IQANK1: variants seen among roughly 807,000 people sequenced by gnomAD.
The protein encoded by IQANK1 is IQ motif and ankyrin repeat containing 1.
In IQANK1, 30 loss-of-function variants were observed where a neutral mutation model predicts 22.6. That is an observed-to-expected ratio of 1.33 (90% CI 0.99 to 1.80). IQANK1 has a LOEUF of 1.80. Ranked by LOEUF, IQANK1 falls within the 40% of genes most tolerant of loss-of-function variation. The pLI is 0.00. For missense variants in IQANK1, 275 were observed against 235.2 expected, an observed-to-expected ratio of 1.17 and a Z score of -1.11; for synonymous variants, 122 against 99.6, an observed-to-expected ratio of 1.23 and a Z score of -1.34.
In IQANK1 at chr8:143,790,630, A is replaced by T. The variant is rs1820021756; in HGVS notation, c.*22A>T. On this transcript the variant is annotated 3_prime_UTR_variant, in exon 14 of 14. Transcript: ENST00000527139. Reference sequence around the variant, plus strand: ...CTAGTGCTGGCCCCAGTCCCAATAAAACGTGTGCCCCGGGGCGCGGTGCTG... The same window carrying T: ...CTAGTGCTGGCCCCAGTCCCAATAATACGTGTGCCCCGGGGCGCGGTGCTG... The T allele has an allele frequency of 2.5e-6, 1 of 398,576 alleles. No individual in the cohort carries two copies. The highest frequency in any genetic ancestry group is 4.4e-6 in the Non-Finnish European group (1 of 226,026). The allele number at this position is 398,576 out of a possible 1,614,324, so 24.7% of individuals were successfully genotyped here.
chr8:143,783,114 A>G (rs758359007), intron 7 of IQANK1, among the ~76,000 whole-genome samples: 1 of 152,244 alleles, frequency 6.6e-6, no homozygotes, highest in Non-Finnish European at 1.5e-5. Flanking sequence ...GGCTTTGGTT[A>G]TAATGATGCT....
At chr8:143,744,631 T>C (rs540033519) in intron 3 of IQANK1, 3 of 152,312 alleles carry the variant, frequency 2.0e-5, no homozygotes, top group African/African-American at 4.8e-5. Flanking sequence ...CTAATGGAGA[T>C]GGAAACCACC....
rs1451723866 is a variant in IQANK1 at position 143,771,989 on chromosome 8, G to A, written c.471+24G>A. ...AGGTCAGCGGGGGCGGGAGGAGGAC[G>A]AGGGCGGGGGGTGGGGTGGGAGTGG... On this transcript the variant is annotated intron_variant, in intron 5 of 13. Coordinates refer to ENST00000527139, the MANE Select transcript of IQANK1 (RefSeq NM_001381874.1). The surrounding 1 kb of genome is among the most constrained non-coding windows in gnomAD (Gnocchi z 6.0). 6.9e-6 allele frequency: 1 copy of A among 145,016 alleles called. No homozygotes were observed. The highest frequency in any genetic ancestry group is 1.5e-5 in the Non-Finnish European group (1 of 67,288). The allele number at this position is 145,016 out of a possible 1,614,324, so 9.0% of individuals were successfully genotyped here.
At position 143,748,854 on chromosome 8, in the gene IQANK1, T is replaced by TATATCATATATAAATATATAAATATAC. The variant is rs1819106374; in HGVS notation, c.175+8932_175+8933insCATATCATATATAAATATATAAATATA. Among the ~76,000 whole-genome samples, 7 of 114,094 alleles carry TATATCATATATAAATATATAAATATAC rather than the reference T, an allele frequency of 6.1e-5. No homozygotes were observed. The South Asian group carries it at 1.8e-3, about 29-fold the overall frequency. The allele number at this position is 114,094 out of a possible 152,430, so 74.9% of individuals were successfully genotyped here. ...TTTCATATATAAATATATAAATATA[T>TATATCATATATAAATATATAAATATAC]ATATCATATATAAATATATAAATAT... On this transcript the variant is annotated intron_variant, in intron 3 of 13. Transcript: ENST00000527139.
At position 143,771,501 on chromosome 8, in the gene IQANK1, C is replaced by A; in HGVS notation, c.189C>A (p.Asp63Glu). 5.0e-6 allele frequency: 2 copies of A among 398,034 alleles called. No individual in the cohort carries two copies. Among genetic ancestry groups the A allele is most frequent in the Non-Finnish European group, 8.9e-6 (2 of 225,690 alleles). The allele number at this position is 398,034 out of a possible 1,614,324, so 24.7% of individuals were successfully genotyped here. ...SPQAPTGPAE[D>E]RAARAIQGAF... Reference sequence around the variant, plus strand: ...TCCCCACCCCAGGGCCGGCCGAGGACCGAGCGGCCAGAGCGATCCAGGGCG... The same window carrying A: ...TCCCCACCCCAGGGCCGGCCGAGGAACGAGCGGCCAGAGCGATCCAGGGCG... Residue 63 changes from aspartate to glutamate, a missense_variant, in exon 4 of 14, where the codon GAC becomes GAA. Asp to Glu is a conservative substitution (Grantham distance 45, BLOSUM62 2). Coordinates refer to ENST00000527139, the MANE Select transcript of IQANK1 (RefSeq NM_001381874.1). The surrounding 1 kb of genome is among the most constrained non-coding windows in gnomAD (Gnocchi z 6.0).
rs1819249465 is a variant in IQANK1 at position 143,754,352 on chromosome 8, C to G, written c.175+14404C>G. ...TCCGGGCACAGGCTAAATGGGTCCTCTGGCTGAGCACCTCTCCCAGGGCTA... is the reference window on the plus strand; with the variant it reads ...TCCGGGCACAGGCTAAATGGGTCCTGTGGCTGAGCACCTCTCCCAGGGCTA... On this transcript the variant is annotated intron_variant, in intron 3 of 13. Transcript: ENST00000527139. Among the ~76,000 whole-genome samples the G allele has an allele frequency of 2.6e-5, 4 of 152,334 alleles. No individual in the cohort carries two copies. The South Asian group carries it at 8.3e-4, about 32-fold the overall frequency.
rs1290547022 is a variant in IQANK1, at chr8:143,789,674, G to A, written c.1087-87G>A. On this transcript the variant is annotated intron_variant, in intron 10 of 13. Coordinates refer to ENST00000527139, the MANE Select transcript of IQANK1 (RefSeq NM_001381874.1). ...ACCAGCCGACAGTGGCCTGCTTGGG[G>A]TGGGGTGGGGAGGAAGCTCGGGCAG... 6 of 1,209,692 alleles carry A rather than the reference G, an allele frequency of 5.0e-6. No individual in the cohort carries two copies. The East Asian group carries it at 1.3e-4, about 26-fold the overall frequency. 74.9% of individuals were successfully genotyped at this position (1,209,692 alleles called of 1,614,324 possible). A position where few individuals can be genotyped will look rare whatever the true frequency, so the allele number is the denominator to read the frequency against.
In IQANK1 at chr8:143,772,367, G is replaced by A. The variant is rs1050349584; in HGVS notation, c.674G>A (p.Gly225Asp). Residue 225 changes from glycine (G) to aspartate (D), a missense_variant, in exon 7 of 14, where the codon GGT (glycine) becomes GAT (aspartate). Gly to Asp is a moderately conservative substitution (Grantham distance 94). Transcript: ENST00000527139. The part of the protein sequence containing the change: ...GASPNSKGAF[G>D]PTPLYRAAFG... Reference sequence around the variant, plus strand: ...GGGCCCGTCTTGCAGGGCGCTTTCGGTCCGACGCCGCTGTACCGTGCAGCC... The same window carrying A: ...GGGCCCGTCTTGCAGGGCGCTTTCGATCCGACGCCGCTGTACCGTGCAGCC... 4.0e-5 allele frequency: 16 copies of A among 399,060 alleles called. No homozygotes were observed. The highest frequency in any genetic ancestry group is 6.6e-5 in the Non-Finnish European group (15 of 226,216). 24.7% of individuals were successfully genotyped at this position (399,060 alleles called of 1,614,324 possible). A position where few individuals can be genotyped will look rare whatever the true frequency, so the allele number is the denominator to read the frequency against.
intron 2 of IQANK1, among the ~76,000 whole-genome samples, chr8:143,738,902 C>T (rs868958346): frequency 4.5e-4 from 68 of 152,330 alleles, no homozygotes; most frequent in African/African-American, 1.2e-3. Context: ...AGCACGCCCA[C>T]AGGAGCCCCG....
chr8:143,747,342 A>G (rs1587475479), intron 3 of IQANK1, among the ~76,000 whole-genome samples: 1 of 152,016 alleles, frequency 6.6e-6, no homozygotes, highest in African/African-American at 2.4e-5. Flanking sequence ...TGTGTTCTCC[A>G]TGTTTTTATA....
chr8:143,746,732 G>C (rs1819040231), intron 3 of IQANK1, among the ~76,000 whole-genome samples: 1 of 152,026 alleles, frequency 6.6e-6, no homozygotes, highest in Non-Finnish European at 1.5e-5. Context: ...CTAGTTATAT[G>C]TCTATTCAGA....
intron 3 of IQANK1, among the ~76,000 whole-genome samples, chr8:143,770,111 A>G (rs1819545721): frequency 6.6e-6 from 1 of 152,154 alleles, no homozygotes; most frequent in South Asian, 2.1e-4. Flanking sequence ...CAAAAAGAAA[A>G]AAGCCTCAGG....
intron 3 of IQANK1, among the ~76,000 whole-genome samples, chr8:143,770,820 G>A (rs1252169915): frequency 6.6e-6 from 1 of 152,260 alleles, no homozygotes; most frequent in Non-Finnish European, 1.5e-5. Flanking sequence ...TGCAGGTATC[G>A]TTCCACGTTA....
intron 3 of IQANK1, among the ~76,000 whole-genome samples, chr8:143,755,186 C>A (rs1819268720): frequency 6.6e-6 from 1 of 152,156 alleles, no homozygotes. Context: ...ATACAATCTC[C>A]CAACTGGCAC....
intron 3 of IQANK1, among the ~76,000 whole-genome samples, chr8:143,754,117 G>T (rs1819245062): frequency 1.3e-5 from 2 of 152,196 alleles, no homozygotes; most frequent in South Asian, 2.1e-4. Flanking sequence ...AAGAGAAAAA[G>T]AGAAAAATCA....
intron 7 of IQANK1, among the ~76,000 whole-genome samples, chr8:143,780,241 C>G (rs1344277501): frequency 3.3e-5 from 5 of 152,096 alleles, no homozygotes; most frequent in Non-Finnish European, 7.3e-5. Context: ...CTCAACAAAC[C>G]TGATTGTAGT....
intron 7 of IQANK1, among the ~76,000 whole-genome samples, chr8:143,773,522 C>T (rs1415509025): frequency 6.6e-6 from 1 of 152,080 alleles, no homozygotes; most frequent in Non-Finnish European, 1.5e-5. Context: ...CCATCTCAGT[C>T]ATTATGTTCC....
intron 3 of IQANK1, among the ~76,000 whole-genome samples, chr8:143,752,324 G>GA (rs1166737630): frequency 6.6e-6 from 1 of 152,148 alleles, no homozygotes; most frequent in African/African-American, 2.4e-5. Flanking sequence ...AGTTTCTGAT[G>GA]AAAAATCTGC....
In IQANK1 at chr8:143,739,722, C is replaced by A. The variant is rs556155482; in HGVS notation, c.86-137C>A. 4.4e-4 allele frequency: 252 copies of A among 576,430 alleles called. 3 individuals carry two copies. In the South Asian group the frequency reaches 5.3e-3, roughly 12 times the overall value. 35.7% of individuals were successfully genotyped at this position (576,430 alleles called of 1,614,324 possible). The stretch of plus-strand genomic sequence containing the variant: ...CTCCTTAAGGTTGTCCGTGTGCTTC[C>A]CTCGGGAGGAGGCCCGGGTGGGGGG... On this transcript the variant is annotated intron_variant, in intron 2 of 13. Transcript: ENST00000527139.
Sources: gnomAD v4.1 joint callset for allele counts (sites outside exome capture counted in the v4.1 genomes callset) on GRCh38, gnomAD v4.1.1 for gene constraint, Gnocchi (gnomAD v3.1) non-coding constraint, MANE v1.5 for transcripts, NCBI Gene and HGNC (gene_info 2026-07-23, HGNC 2026-07-21) for gene names.